The following RNF157 variants were observed in gnomAD, a reference collection of about 807,000 sequenced individuals.
RNF157 encodes the protein ring finger protein 157.
In RNF157, 55 loss-of-function variants were observed where a neutral mutation model predicts 88.3. That is an observed-to-expected ratio of 0.62 (90% CI 0.50 to 0.78). RNF157 has a LOEUF of 0.78. Among genes scored for constraint, RNF157 ranks in the 30% least tolerant of loss-of-function variants. RNF157 has a pLI of 0.00. For missense variants in RNF157, 788 were observed against 860.8 expected (o/e 0.92, Z 1.06); for synonymous variants, 334 against 341.2 (o/e 0.98, Z 0.23).
In RNF157 at chr17:76,155,740, G is replaced by T; in HGVS notation, c.1526-6C>A. ...CAAGCTGCTGCTGGCAGGGCCTTTGGAGACAGGGGATGGGGAAAGGAGCCT... is the reference window on the plus strand; with the variant it reads ...CAAGCTGCTGCTGGCAGGGCCTTTGTAGACAGGGGATGGGGAAAGGAGCCT... On this transcript the variant is annotated splice_polypyrimidine_tract_variant and splice_region_variant and intron_variant, in intron 14 of 18. Coordinates refer to ENST00000269391, the MANE Select transcript of RNF157 (RefSeq NM_052916.3). 6.5e-7 allele frequency: 1 copy of T among 1,546,852 alleles called. No individual in the cohort carries two copies. The highest frequency in any genetic ancestry group is 1.2e-5 in the South Asian group (1 of 83,674).
intron 7 of RNF157, among the ~76,000 whole-genome samples, 177 bp downstream of exon 7, chr17:76,165,325 T>C (rs1323061713): frequency 1.3e-5 from 2 of 152,206 alleles, no homozygotes; most frequent in Non-Finnish European, 2.9e-5. Context: ...CCTCACTCTA[T>C]CGCCCAGGCT....
intron 2 of RNF157, among the ~76,000 whole-genome samples, chr17:76,207,727 G>T (rs2069706155): frequency 6.6e-6 from 1 of 152,156 alleles, no homozygotes; most frequent in South Asian, 2.1e-4. Flanking sequence ...TGACACCCAA[G>T]ATCTTTTGCT....
chr17:76,161,714 C>T lies in RNF157; in HGVS notation c.953-67G>A, dbSNP rs2068847844. ...GATTAAGAATGAACAAGAGCCCAGA[C>T]AGAAACCATGATCCCTCCCAGCGCG... On this transcript the variant is annotated intron_variant, in intron 10 of 18. Coordinates refer to ENST00000269391, the MANE Select transcript of RNF157 (RefSeq NM_052916.3). The surrounding 1 kb of genome is among the most constrained non-coding windows in gnomAD (Gnocchi z 4.6). The T allele has an allele frequency of 3.9e-6, 6 of 1,541,072 alleles. No individual in the cohort carries two copies. The highest frequency in any genetic ancestry group is 1.8e-5 in the Admixed American group (1 of 56,302).
intron 13 of RNF157, among the ~76,000 whole-genome samples, chr17:76,156,722 A>C (rs1006441275): frequency 1.3e-5 from 2 of 152,184 alleles, no homozygotes; most frequent in Non-Finnish European, 2.9e-5. Context: ...GGGTATCTCC[A>C]CGTGGACCCC....
Position 76,161,420 on chromosome 17 carries a change from G to T in RNF157, c.1065+115C>A. The T allele has an allele frequency of 1.2e-6, 1 of 817,534 alleles. No homozygotes were observed. Among genetic ancestry groups the T allele is most frequent in the Non-Finnish European group, 2.1e-6 (1 of 481,090 alleles). The allele number at this position is 817,534 out of a possible 1,614,324, so 50.6% of individuals were successfully genotyped here. On this transcript the variant is annotated intron_variant, in intron 11 of 18. Transcript: ENST00000269391. The surrounding 1 kb of genome is among the most constrained non-coding windows in gnomAD (Gnocchi z 4.6). ...GCTCTCAGCCGGCTTGCTAAATACT[G>T]CAGCATGCCCTGGTCTAATTCCTTG...
chr17:76,152,359 T>G lies in RNF157; in HGVS notation c.1917A>C (p.Leu639Phe). ...LDNKLCSEVC[L>F]PGAWQADDNA... ...GTTCAGCAGACTGACACTCACCAGG[T>G]AAGCAGACCTCAGAGCACAGCTTAT... The change falls in exon 18 of 19, where the codon TTA becomes TTC. Residue 639 changes from leucine to phenylalanine, a missense_variant. Coordinates refer to ENST00000269391, the MANE Select transcript of RNF157 (RefSeq NM_052916.3). The G allele has an allele frequency of 6.2e-7, 1 of 1,601,028 alleles. No individual in the cohort carries two copies. The highest frequency in any genetic ancestry group is 1.1e-5 in the South Asian group (1 of 90,828).
At chr17:76,210,450 T>C (rs768015947) in intron 2 of RNF157, among the ~76,000 whole-genome samples, 1,944 of 149,570 alleles carry the variant, frequency 0.013, 22 homozygotes, top group African/African-American at 0.034. Flanking sequence ...ATTAGCCGGG[T>C]GTAGTGGCGG....
intron 1 of RNF157, chr17:76,225,691 C>T: frequency 1.5e-6 from 2 of 1,297,108 alleles, no homozygotes; most frequent in Non-Finnish European, 2.1e-6. Flanking sequence ...TTTATTGGAA[C>T]ACACAGCTAC....
rs1195930985 is a variant in RNF157 at position 76,160,868 on chromosome 17, T to C, written c.1065+667A>G. 2.6e-5 allele frequency among the ~76,000 whole-genome samples: 4 copies of C among 152,258 alleles called. No individual in the cohort carries two copies. Among genetic ancestry groups the C allele is most frequent in the South Asian group, 2.1e-4 (1 of 4,836 alleles). ...GAATGTTTTGCTTGGTTTGCTGTAA[T>C]GTTTGTTTGGTTTGATGCTCTTAAT... is the stretch of plus-strand genomic sequence containing the variant. On this transcript the variant is annotated intron_variant, in intron 11 of 18. Transcript: ENST00000269391. The surrounding 1 kb of genome is among the most constrained non-coding windows in gnomAD (Gnocchi z 4.3).
chr17:76,211,847 C>T (rs1018864995), intron 2 of RNF157: 2 of 152,168 alleles, frequency 1.3e-5, no homozygotes, highest in African/African-American at 4.8e-5. Flanking sequence ...GAAATGTATT[C>T]TCATATCAAC....
intron 1 of RNF157, among the ~76,000 whole-genome samples, chr17:76,228,259 T>C (rs1210038740): frequency 1.3e-5 from 2 of 152,188 alleles, no homozygotes; most frequent in East Asian, 3.9e-4. Flanking sequence ...CACACATCAA[T>C]GCGTCTAAAA....
At chr17:76,165,633 A>G (rs1340683777) in intron 6 of RNF157, 88 bp from the exon 7 acceptor site, 6 of 1,411,496 alleles carry the variant, frequency 4.3e-6, no homozygotes, top group Non-Finnish European at 6.0e-6. Context: ...CAATCTGGCA[A>G]ACCAAATGTG....
intron 2 of RNF157, among the ~76,000 whole-genome samples, chr17:76,198,494 T>C (rs182360700): frequency 1.3e-5 from 2 of 152,324 alleles, no homozygotes; most frequent in African/African-American, 4.8e-5. Flanking sequence ...ATCCACTAGC[T>C]GGCTGCGTCC....
At chr17:76,150,913 G>A (rs971066184) in intron 18 of RNF157, among the ~76,000 whole-genome samples, 4 of 152,188 alleles carry the variant, frequency 2.6e-5, no homozygotes, top group African/African-American at 9.7e-5. Context: ...GAGTGAACAC[G>A]AACTTTCATA....
intron 2 of RNF157, among the ~76,000 whole-genome samples, chr17:76,183,775 T>G (rs1304915154): frequency 6.6e-6 from 1 of 152,010 alleles, no homozygotes; most frequent in Non-Finnish European, 1.5e-5. Context: ...TAATTATAAA[T>G]TATGTATTTA....
chr17:76,206,496 A>T (rs1780692307), intron 2 of RNF157, among the ~76,000 whole-genome samples: 2 of 152,184 alleles, frequency 1.3e-5, no homozygotes, highest in African/African-American at 4.8e-5. Context: ...TTTACTACTT[A>T]AGACAGTATT....
intron 2 of RNF157, among the ~76,000 whole-genome samples, chr17:76,174,776 G>A (rs1285594146): frequency 6.6e-6 from 1 of 152,142 alleles, no homozygotes; most frequent in African/African-American, 2.4e-5. Context: ...CATAGTTAAG[G>A]TGCATCTGAC....
intron 2 of RNF157, among the ~76,000 whole-genome samples, chr17:76,211,373 GCCAT>G (rs2145022558): frequency 6.6e-6 from 1 of 152,304 alleles, no homozygotes; most frequent in African/African-American, 2.4e-5. Flanking sequence ...ACCTGCCCTT[GCCAT>G]TGTCTTCTCC....
In RNF157 at chr17:76,161,945, C is replaced by T. The variant is rs1454145455; in HGVS notation, c.850G>A (p.Val284Ile). The T allele has an allele frequency of 1.2e-6, 2 of 1,614,238 alleles. No homozygotes were observed. The highest frequency in any genetic ancestry group is 1.7e-6 in the Non-Finnish European group (2 of 1,180,048). ...SAECVVCLSDVRDTLILPCRH... is the reference protein window; with the variant it reads ...SAECVVCLSDIRDTLILPCRH... ...CAGGGCAGAATCAAGGTGTCCCGGA[C>T]ATCCGAGAGACACACCACACACTCG... Residue 284 changes from valine (V) to isoleucine (I), a missense_variant, in exon 10 of 19, where the codon GTC becomes ATC. Val to Ile is a conservative substitution (Grantham distance 29, BLOSUM62 3). Transcript: ENST00000269391. The surrounding 1 kb of genome is among the most constrained non-coding windows in gnomAD (Gnocchi z 4.6).
Sources: gnomAD v4.1 joint callset for allele counts (sites outside exome capture counted in the v4.1 genomes callset) on GRCh38, gnomAD v4.1.1 for gene constraint, Gnocchi (gnomAD v3.1) non-coding constraint, MANE v1.5 for transcripts, NCBI Gene and HGNC (gene_info 2026-07-23, HGNC 2026-07-21) for gene names.